The following BRWD3 variants were observed in gnomAD, a reference collection of about 807,000 sequenced individuals.
BRWD3 encodes the protein bromodomain and WD repeat domain containing 3.
A neutral mutation model predicts 149.7 loss-of-function variants in BRWD3; 10 were observed. The ratio of observed to expected loss-of-function variants is 0.07; its 90% CI spans 0.04 to 0.11. The LOEUF is 0.11. BRWD3 is among the 10% of genes least tolerant of loss of function. The pLI, the probability that BRWD3 is intolerant of heterozygous loss-of-function variation, is 1.00. For synonymous variants in BRWD3, 504 were observed against 456.7 expected, an observed-to-expected ratio of 1.10 and a Z score of -1.32; for missense variants, 940 against 1,373.2, an observed-to-expected ratio of 0.68 and a Z score of 4.99.
intron 6 of BRWD3, among the ~76,000 whole-genome samples, chrX:80,758,607 G>C (rs764350329): frequency 9.0e-6 from 1 of 110,542 alleles, no homozygotes; most frequent in Non-Finnish European, 1.9e-5. Flanking sequence ...ATCTCTCTCT[G>C]TGTAATTTCC....
chrX:80,801,449 C>T (rs1189101029), intron 4 of BRWD3, among the ~76,000 whole-genome samples: 1 of 107,521 alleles, frequency 9.3e-6, no homozygotes, highest in Non-Finnish European at 1.9e-5. Flanking sequence ...AACTCCTGAC[C>T]TCATGATCCA....
At chrX:80,762,266 A>C (rs915729930) in intron 6 of BRWD3, among the ~76,000 whole-genome samples, 2 of 111,859 alleles carry the variant, frequency 1.8e-5, no homozygotes, top group Admixed American at 1.9e-4. Context: ...GACGTTAAAG[A>C]TAAATTCTTA....
At chrX:80,796,221 C>A (rs2074238512) in intron 4 of BRWD3, among the ~76,000 whole-genome samples, 2 of 109,354 alleles carry the variant, frequency 1.8e-5, no homozygotes, top group African/African-American at 6.7e-5. Flanking sequence ...ACCTCCGCCT[C>A]CTGGGTTCAA....
In BRWD3 at chrX:80,703,464, A is replaced by G. The variant is rs1166062566; in HGVS notation, c.2835+16T>C. The stretch of plus-strand genomic sequence containing the variant: ...TTGAGGCTCCACAGAAAAAGGTTAT[A>G]ACAGGTAATAATTACCTCATCTCCC... On this transcript the variant is annotated intron_variant, in intron 24 of 40. Coordinates refer to ENST00000373275, the MANE Select transcript of BRWD3 (RefSeq NM_153252.5). 2 of 1,119,444 alleles carry G rather than the reference A, an allele frequency of 1.8e-6. No homozygotes were observed. The highest frequency in any genetic ancestry group is 2.4e-6 in the Non-Finnish European group (2 of 819,805). 92.3% of individuals were successfully genotyped at this position (1,119,444 alleles called of 1,213,427 possible).
chrX:80,768,426 C>A (rs1039055726), intron 6 of BRWD3, among the ~76,000 whole-genome samples: 1 of 111,679 alleles, frequency 9.0e-6, no homozygotes, highest in Non-Finnish European at 1.9e-5. Context: ...GGCCAATATT[C>A]AACATTCTTA....
At chrX:80,758,892 T>A (rs1429506673) in intron 6 of BRWD3, among the ~76,000 whole-genome samples, 1 of 112,201 alleles carries the variant, frequency 8.9e-6, no homozygotes, top group African/African-American at 3.2e-5. Context: ...ACATGTTAAG[T>A]CCTTCTACAT....
intron 14 of BRWD3, 99 bp downstream of exon 14, chrX:80,728,648 CTAGTA>C: frequency 4.3e-6 from 3 of 689,816 alleles, no homozygotes; most frequent in Non-Finnish European, 6.5e-6. Flanking sequence ...TTTCCAAGGA[CTAGTA>C]TAGTATATCA....
intron 18 of BRWD3, 101 bp downstream of exon 18, chrX:80,719,388 T>C: frequency 1.2e-6 from 1 of 802,838 alleles, no homozygotes; most frequent in Non-Finnish European, 1.7e-6. Context: ...ATAAAAAAGT[T>C]TTTATTTATA....
At chrX:80,808,164 G>A (rs780292999) in intron 4 of BRWD3, among the ~76,000 whole-genome samples, 3 of 103,646 alleles carry the variant, frequency 2.9e-5, no homozygotes, top group East Asian at 3.1e-4. Flanking sequence ...CCGGAACTCC[G>A]GGCTGTTACC....
chrX:80,684,410 T>A lies in BRWD3; in HGVS notation c.4081-248A>T, dbSNP rs186400264. Among the ~76,000 whole-genome samples, 921 of 111,444 alleles carry A rather than the reference T, an allele frequency of 8.3e-3. 5 individuals carry two copies. The highest frequency in any genetic ancestry group is 0.012 in the Non-Finnish European group (645 of 52,913). ...AACTATGAAGGTAAAGAATAGAAAA[T>A]CCATAGCCGTTGGCTTCATCTCTAC... On this transcript the variant is annotated intron_variant, in intron 36 of 40. Coordinates refer to ENST00000373275, the MANE Select transcript of BRWD3 (RefSeq NM_153252.5).
intron 20 of BRWD3, among the ~76,000 whole-genome samples, chrX:80,714,781 A>T (rs1208404206): frequency 8.9e-6 from 1 of 111,900 alleles, no homozygotes; most frequent in African/African-American, 3.2e-5. Context: ...GCCATGTTTA[A>T]TCCCTTATAT....
At chrX:80,808,227 T>C (rs2074369585) in intron 4 of BRWD3, among the ~76,000 whole-genome samples, 1 of 109,151 alleles carries the variant, frequency 9.2e-6, no homozygotes, top group Admixed American at 9.8e-5. Context: ...AGATAACCCC[T>C]TGGTTTCTCT....
In BRWD3 at chrX:80,809,381, G is replaced by A; in HGVS notation, c.31+60C>T. ...GAAGCTTTTTCAAAAGAAACTGACA[G>A]CCTTCGCGCTAAGCCCCCATTCCCT... On this transcript the variant is annotated intron_variant, in intron 1 of 40. Coordinates refer to ENST00000373275, the MANE Select transcript of BRWD3 (RefSeq NM_153252.5). 6 of 1,135,597 alleles carry A rather than the reference G, an allele frequency of 5.3e-6. No homozygotes were observed. In the South Asian group the frequency reaches 9.6e-5, roughly 18 times the overall value. The allele number at this position is 1,135,597 out of a possible 1,213,427, so 93.6% of individuals were successfully genotyped here.
At chrX:80,757,534 A>T (rs1380954656) in intron 6 of BRWD3, among the ~76,000 whole-genome samples, 1 of 112,509 alleles carries the variant, frequency 8.9e-6, no homozygotes, top group Non-Finnish European at 1.9e-5. Context: ...ACAATTCTTT[A>T]GCAATGTTGA....
intron 12 of BRWD3, among the ~76,000 whole-genome samples, chrX:80,731,758 G>A (rs2073334468): frequency 9.2e-6 from 1 of 108,267 alleles, no homozygotes; most frequent in African/African-American, 3.4e-5. Flanking sequence ...AGCCAGGCGT[G>A]GTGGCGGAGG....
chrX:80,746,780 C>T, intron 6 of BRWD3: 1 of 622,018 alleles, frequency 1.6e-6, no homozygotes, highest in Non-Finnish European at 1.9e-6. Context: ...ATGATTAGAA[C>T]CATGCCACAA....
intron 38 of BRWD3, 105 bp from the exon 39 acceptor site, chrX:80,682,199 G>A: frequency 1.5e-6 from 1 of 680,318 alleles, no homozygotes; most frequent in Non-Finnish European, 2.3e-6. Flanking sequence ...GTATTAGCTG[G>A]CCAAAGAAGA....
At chrX:80,797,540 T>C (rs1020474440) in intron 4 of BRWD3, among the ~76,000 whole-genome samples, 2 of 111,955 alleles carry the variant, frequency 1.8e-5, no homozygotes, top group African/African-American at 6.5e-5. Context: ...TCCCTGGCTA[T>C]TGCATTTTAT....
At chrX:80,717,792 T>A (rs1232928203) in intron 18 of BRWD3, 33 bp from the exon 19 acceptor site, 1 of 1,162,645 alleles carries the variant, frequency 8.6e-7, no homozygotes, top group East Asian at 3.0e-5. Flanking sequence ...TATCACTTTG[T>A]GAGCAAAGGC....
Sources: gnomAD v4.1 joint callset for allele counts (sites outside exome capture counted in the v4.1 genomes callset) on GRCh38, gnomAD v4.1.1 for gene constraint, MANE v1.5 for transcripts, NCBI Gene and HGNC (gene_info 2026-07-23, HGNC 2026-07-21) for gene names.